NALCN: variants seen among roughly 807,000 people sequenced by gnomAD.
The protein encoded by NALCN is sodium leak channel NALCN.
Under a neutral mutation model 225.3 loss-of-function variants are expected in NALCN, and 111 were observed. The ratio of observed to expected loss-of-function variants is 0.49; its 90% CI spans 0.42 to 0.58. The LOEUF is 0.58. Ranked by LOEUF, NALCN falls within the 20% of genes least tolerant of loss-of-function variation. NALCN has a pLI of 0.00. For missense variants in NALCN, 1,378 were observed against 2,202.4 expected (o/e 0.63, Z 7.49); for synonymous variants, 764 against 769.0 (o/e 0.99, Z 0.11).
chr13:101,349,319 A>T (rs2045838235), intron 6 of NALCN, among the ~76,000 whole-genome samples: 1 of 152,166 alleles, frequency 6.6e-6, no homozygotes, highest in African/African-American at 2.4e-5. Context: ...GTGACCTCTC[A>T]GCAGTGCTCT....
chr13:101,239,160 T>C (rs1460859934), intron 11 of NALCN, among the ~76,000 whole-genome samples: 1 of 151,986 alleles, frequency 6.6e-6, no homozygotes, highest in African/African-American at 2.4e-5. Flanking sequence ...TGCTTCTTCA[T>C]CCACACATAT....
chr13:101,385,297 C>T (rs1382457445), intron 3 of NALCN, among the ~76,000 whole-genome samples: 1 of 152,136 alleles, frequency 6.6e-6, no homozygotes. Flanking sequence ...ACAGACCACA[C>T]TTACTCATCC....
chr13:101,228,295 C>A (rs17485827), intron 13 of NALCN, among the ~76,000 whole-genome samples: 7,370 of 152,070 alleles, frequency 0.048, 228 homozygotes, highest in Non-Finnish European at 0.07. Flanking sequence ...GAAGTACAGA[C>A]CCTTTTGCTG....
At chr13:101,357,385 C>T (rs2046095408) in intron 6 of NALCN, among the ~76,000 whole-genome samples, 1 of 151,948 alleles carries the variant, frequency 6.6e-6, no homozygotes, top group Non-Finnish European at 1.5e-5. Flanking sequence ...TCCTATACAC[C>T]AAAAATACAC....
At chr13:101,185,073 G>T (rs181597611) in intron 14 of NALCN, among the ~76,000 whole-genome samples, 4 of 152,060 alleles carry the variant, frequency 2.6e-5, no homozygotes, top group African/African-American at 9.6e-5. Flanking sequence ...TTCTTTTCCT[G>T]TTTACCATTT....
chr13:101,362,668 A>G (rs2046281865), intron 6 of NALCN, among the ~76,000 whole-genome samples: 1 of 152,096 alleles, frequency 6.6e-6, no homozygotes, highest in Non-Finnish European at 1.5e-5. Context: ...CCTTTCTGCT[A>G]AGATCTGGAA....
intron 1 of NALCN, among the ~76,000 whole-genome samples, chr13:101,410,285 C>T (rs1169070781): frequency 6.6e-6 from 1 of 152,186 alleles, no homozygotes; most frequent in East Asian, 1.9e-4. Context: ...GCACACCTCT[C>T]CCATCACTGT....
intron 10 of NALCN, among the ~76,000 whole-genome samples, chr13:101,276,331 C>G (rs2138965295): frequency 6.6e-6 from 1 of 152,196 alleles, no homozygotes; most frequent in East Asian, 1.9e-4. Context: ...TCATTAATAA[C>G]TGGATAAACA....
chr13:101,207,459 T>C (rs975523165), intron 13 of NALCN, among the ~76,000 whole-genome samples: 1 of 152,224 alleles, frequency 6.6e-6, no homozygotes, highest in Non-Finnish European at 1.5e-5. Context: ...GGCCTTTGAC[T>C]ATCCAAGATT....
At chr13:101,197,389 CT>C (rs1188428437) in intron 13 of NALCN, among the ~76,000 whole-genome samples, 2 of 152,120 alleles carry the variant, frequency 1.3e-5, no homozygotes, top group African/African-American at 2.4e-5. Flanking sequence ...GAAATTGTAG[CT>C]CTTCCTTACT....
intron 15 of NALCN, among the ~76,000 whole-genome samples, chr13:101,174,002 A>G (rs552139404): frequency 6.6e-6 from 1 of 152,318 alleles, no homozygotes; most frequent in African/African-American, 2.4e-5. Context: ...TGAAAATAAG[A>G]AAAATCAGGG....
chr13:101,415,630 A>C (rs970162501), intron 1 of NALCN, among the ~76,000 whole-genome samples: 1 of 152,190 alleles, frequency 6.6e-6, no homozygotes, highest in African/African-American at 2.4e-5. Flanking sequence ...TCAGTGACAA[A>C]ATGGTGTTGC....
chr13:101,317,692 T>C lies in NALCN; in HGVS notation c.800-25326A>G, dbSNP rs367607705. 8.6e-3 allele frequency among the ~76,000 whole-genome samples: 1,310 copies of C among 152,234 alleles called. 12 individuals are homozygous for C. The highest frequency in any genetic ancestry group is 0.024 in the Middle Eastern group (7 of 294). On this transcript the variant is annotated intron_variant, in intron 7 of 43. Transcript: ENST00000251127. ...AAACATGGACGCCCTCTCTTCCTGTTCTTTCACACCCTTACCTCTACATGG... is the reference window on the plus strand; with the variant it reads ...AAACATGGACGCCCTCTCTTCCTGTCCTTTCACACCCTTACCTCTACATGG...
At chr13:101,236,355 C>T (rs1335657990) in intron 12 of NALCN, among the ~76,000 whole-genome samples, 9 of 151,244 alleles carry the variant, frequency 6.0e-5, no homozygotes, top group East Asian at 1.9e-4. Context: ...GTCAGTGTGG[C>T]GATTCCTCAG....
intron 3 of NALCN, among the ~76,000 whole-genome samples, chr13:101,380,353 T>C (rs1566633834): frequency 1.3e-5 from 2 of 152,202 alleles, no homozygotes; most frequent in Non-Finnish European, 2.9e-5. Context: ...TTTCATTTTT[T>C]AATAGGGTAT....
chr13:101,058,445 CT>C, intron 42 of NALCN: 1 of 148,162 alleles, frequency 6.7e-6, no homozygotes, highest in Non-Finnish European at 1.5e-5. Context: ...TGTCACCAGC[CT>C]GGAGATCCAC....
At chr13:101,058,529 T>A (rs947252554) in intron 42 of NALCN, 2 of 162,550 alleles carry the variant, frequency 1.2e-5, no homozygotes, top group African/African-American at 4.8e-5. Context: ...ATGGAGCTGA[T>A]AACAATCTAA....
At chr13:101,279,008 A>T (rs1388012735) in intron 10 of NALCN, among the ~76,000 whole-genome samples, 1 of 152,198 alleles carries the variant, frequency 6.6e-6, no homozygotes, top group Non-Finnish European at 1.5e-5. Context: ...CGGTTAATAA[A>T]CATAATTGAT....
chr13:101,409,547 T>C (rs2139550709), intron 1 of NALCN, among the ~76,000 whole-genome samples: 1 of 152,330 alleles, frequency 6.6e-6, no homozygotes, highest in African/African-American at 2.4e-5. Flanking sequence ...ATATTTTATT[T>C]TGATGAGCTG....
Sources: allele counts gnomAD v4.1 joint callset (sites outside exome capture counted in the v4.1 genomes callset), GRCh38; gene constraint gnomAD v4.1.1; transcripts MANE v1.5; gene names NCBI Gene and HGNC (gene_info 2026-07-23, HGNC 2026-07-21).